Variants in MAML2 observed in about 807,000 individuals in gnomAD.
The protein encoded by MAML2 is mastermind like transcriptional coactivator 2.
A neutral mutation model predicts 96.1 loss-of-function variants in MAML2; 22 were observed. The observed-to-expected ratio is 0.23, with a 90% CI of 0.16 to 0.33. MAML2 has a LOEUF of 0.33. Ranked by LOEUF, MAML2 falls within the 10% of genes least tolerant of loss-of-function variation. The probability of loss-of-function intolerance (pLI) is 1.00; values close to 1 mark genes in which losing one functional copy is unlikely to be tolerated. For missense variants in MAML2, 1,367 were observed against 1,392.4 expected (o/e 0.98, Z 0.29); for synonymous variants, 561 against 521.3 (o/e 1.08, Z -1.04).
chr11:96,171,386 C>T (rs978044840), intron 1 of MAML2, among the ~76,000 whole-genome samples: 2 of 152,134 alleles, frequency 1.3e-5, no homozygotes. Flanking sequence ...AGGTGCTCCT[C>T]TTCTGTGTTC....
At position 96,342,323 on chromosome 11, in the gene MAML2, G is replaced by C. The variant is rs1321080571; in HGVS notation, c.-428C>G. 1 of 405,464 alleles carries C rather than the reference G, an allele frequency of 2.5e-6. No homozygotes were observed. Among genetic ancestry groups the C allele is most frequent in the East Asian group, 3.5e-5 (1 of 28,426 alleles). 25.1% of individuals were successfully genotyped at this position (405,464 alleles called of 1,614,324 possible). On this transcript the variant is annotated 5_prime_UTR_variant, in exon 1 of 5. Transcript: ENST00000524717. ...CACACAGCAAAAGGTATTGAGAGAGGTATTAATAGAGAGGACTCCCCCTCA... is the reference window on the plus strand; with the variant it reads ...CACACAGCAAAAGGTATTGAGAGAGCTATTAATAGAGAGGACTCCCCCTCA...
chr11:96,288,416 C>T (rs1415054410), intron 1 of MAML2, among the ~76,000 whole-genome samples: 1 of 152,090 alleles, frequency 6.6e-6, no homozygotes, highest in Non-Finnish European at 1.5e-5. Flanking sequence ...ATGACAGGCA[C>T]CTGTAATCTC....
intron 2 of MAML2, among the ~76,000 whole-genome samples, chr11:96,089,868 T>C (rs79192875): frequency 2.5e-5 from 2 of 81,418 alleles, no homozygotes; most frequent in Non-Finnish European, 5.6e-5. Flanking sequence ...TTGGAAGAGA[T>C]GAAAATTACC....
intron 1 of MAML2, among the ~76,000 whole-genome samples, chr11:96,191,771 A>C (rs1382807054): frequency 2.1e-5 from 1 of 47,266 alleles, no homozygotes; most frequent in Non-Finnish European, 3.7e-5. Flanking sequence ...ACTCTGTCTC[A>C]AAAAAAAAAA....
chr11:96,134,389 C>T (rs538368006), intron 1 of MAML2, among the ~76,000 whole-genome samples: 34 of 152,298 alleles, frequency 2.2e-4, no homozygotes, highest in Admixed American at 7.8e-4. Context: ...ATTTTTGATG[C>T]ATTTTTAATG....
chr11:96,286,758 T>C (rs1418405186), intron 1 of MAML2, among the ~76,000 whole-genome samples: 6 of 152,094 alleles, frequency 3.9e-5, no homozygotes, highest in Non-Finnish European at 8.8e-5. Flanking sequence ...GAAAAATGTA[T>C]ATGTGGAGAG....
chr11:96,077,510 C>T (rs1230129545), intron 2 of MAML2, among the ~76,000 whole-genome samples: 4 of 152,150 alleles, frequency 2.6e-5, no homozygotes, highest in Non-Finnish European at 2.9e-5. Context: ...CATGAGCCAC[C>T]GCAACTGGCC....
At chr11:96,001,033 T>G (rs1858071021) in intron 2 of MAML2, among the ~76,000 whole-genome samples, 1 of 152,224 alleles carries the variant, frequency 6.6e-6, no homozygotes, top group African/African-American at 2.4e-5. Flanking sequence ...ATAGGAAATT[T>G]TCTTTACTTG....
chr11:96,005,936 T>C (rs1858172163), intron 2 of MAML2, among the ~76,000 whole-genome samples: 1 of 152,370 alleles, frequency 6.6e-6, no homozygotes, highest in South Asian at 2.1e-4. Flanking sequence ...TCATGAGAAA[T>C]GAGAGAATGT....
intron 1 of MAML2, among the ~76,000 whole-genome samples, chr11:96,136,328 A>G (rs1860631476): frequency 6.6e-6 from 1 of 151,828 alleles, no homozygotes; most frequent in Admixed American, 6.6e-5. Context: ...TGTAATACAT[A>G]CACACATACA....
intron 1 of MAML2, among the ~76,000 whole-genome samples, chr11:96,170,081 C>T (rs1162283238): frequency 6.6e-6 from 1 of 152,208 alleles, no homozygotes; most frequent in Non-Finnish European, 1.5e-5. Context: ...CAAGAGGATA[C>T]AGGTTCAGAG....
At chr11:96,130,853 C>A (rs1343943038) in intron 1 of MAML2, among the ~76,000 whole-genome samples, 5 of 151,750 alleles carry the variant, frequency 3.3e-5, no homozygotes, top group African/African-American at 1.2e-4. Context: ...AACTTCTACC[C>A]TTTGTCCTAC....
intron 1 of MAML2, among the ~76,000 whole-genome samples, chr11:96,100,313 C>CT (rs373292172): frequency 6.0e-4 from 87 of 145,984 alleles, no homozygotes; most frequent in South Asian, 1.1e-3. Flanking sequence ...GTTTTTCTTT[C>CT]TTTTTTTTTT....
intron 1 of MAML2, among the ~76,000 whole-genome samples, chr11:96,199,841 C>T (rs966883308): frequency 3.3e-5 from 5 of 152,130 alleles, no homozygotes; most frequent in Non-Finnish European, 5.9e-5. Flanking sequence ...CAAAAGTTTC[C>T]GCATTTTCTA....
At chr11:96,214,034 T>C (rs1177906935) in intron 1 of MAML2, among the ~76,000 whole-genome samples, 1 of 152,178 alleles carries the variant, frequency 6.6e-6, no homozygotes, top group Non-Finnish European at 1.5e-5. Flanking sequence ...CTTCCCACTC[T>C]TGGAACAAAG....
At chr11:96,130,378 C>T (rs1860526055) in intron 1 of MAML2, among the ~76,000 whole-genome samples, 1 of 152,206 alleles carries the variant, frequency 6.6e-6, no homozygotes, top group South Asian at 2.1e-4. Flanking sequence ...CCTCACTCAA[C>T]AGCTTTCTCT....
chr11:96,337,095 T>C (rs934153747), intron 1 of MAML2, among the ~76,000 whole-genome samples: 4 of 152,252 alleles, frequency 2.6e-5, no homozygotes, highest in East Asian at 1.9e-4. Flanking sequence ...CTTATAATTA[T>C]ATTTACTTGA....
intron 1 of MAML2, among the ~76,000 whole-genome samples, chr11:96,273,263 TTTC>T: frequency 6.6e-6 from 1 of 152,352 alleles, no homozygotes; most frequent in East Asian, 1.9e-4. Context: ...TTGCACAGCC[TTTC>T]TTATTTCCCC....
At position 96,092,955 on chromosome 11, in the gene MAML2, A is replaced by C; in HGVS notation, c.1076T>G (p.Met359Arg). The C allele has an allele frequency of 6.2e-7, 1 of 1,613,066 alleles. No individual in the cohort carries two copies. Among genetic ancestry groups the C allele is most frequent in the Non-Finnish European group, 8.5e-7 (1 of 1,179,416 alleles). Residue 359 changes from methionine (M) to arginine (R), a missense_variant, in exon 2 of 5, where the codon ATG becomes AGG. Met to Arg is a moderately conservative substitution (Grantham distance 91). Transcript: ENST00000524717. The surrounding 1 kb of genome is among the most constrained non-coding windows in gnomAD (Gnocchi z 4.1). The part of the protein sequence containing the change: ...QRSTPRPSLP[M>R]EKIVIKSEYS... ...TTCACTTTTGATCACTATTTTCTCC[A>C]TGGGTAAGGAGGGCCTAGGTGTGCT... is the stretch of plus-strand genomic sequence containing the variant.
Sources: allele counts gnomAD v4.1 joint callset (sites outside exome capture counted in the v4.1 genomes callset), GRCh38; gene constraint gnomAD v4.1.1; non-coding constraint Gnocchi (gnomAD v3.1); transcripts MANE v1.5; gene names NCBI Gene and HGNC (gene_info 2026-07-23, HGNC 2026-07-21).